The following KIF6 variants were observed in gnomAD, a reference collection of about 807,000 sequenced individuals.
KIF6 encodes the protein kinesin-like protein KIF6.
KIF6 carries 106 observed loss-of-function variants against 112.7 expected under a neutral mutation model. The observed-to-expected ratio is 0.94, with a 90% CI of 0.80 to 1.11. KIF6 has a LOEUF of 1.11. Ranked by LOEUF, KIF6 falls within the 50% of genes least tolerant of loss-of-function variation. KIF6 has a pLI of 0.00. For missense variants in KIF6, 929 were observed against 964.0 expected, an observed-to-expected ratio of 0.96 and a Z score of 0.48; for synonymous variants, 339 against 339.9, an observed-to-expected ratio of 1.00 and a Z score of 0.03.
chr6:39,398,942 C>A (rs1030318451), intron 15 of KIF6, among the ~76,000 whole-genome samples: 4 of 152,180 alleles, frequency 2.6e-5, no homozygotes, highest in Admixed American at 6.5e-5. Context: ...AAATAGATTA[C>A]CATCCATAAT....
chr6:39,545,192 T>C (rs1175603853), intron 11 of KIF6, among the ~76,000 whole-genome samples: 1 of 152,192 alleles, frequency 6.6e-6, no homozygotes, highest in African/African-American at 2.4e-5. Flanking sequence ...GTGATTATAT[T>C]CCCAGCCCCT....
At chr6:39,571,024 T>G (rs1350695283) in intron 10 of KIF6, among the ~76,000 whole-genome samples, 3 of 152,184 alleles carry the variant, frequency 2.0e-5, no homozygotes, top group African/African-American at 7.2e-5. Flanking sequence ...CACCCTAAAA[T>G]TTAAATCATC....
chr6:39,590,575 C>T (rs1781896127), intron 7 of KIF6, among the ~76,000 whole-genome samples: 1 of 151,464 alleles, frequency 6.6e-6, no homozygotes, highest in Admixed American at 6.6e-5. Flanking sequence ...CCTCAGCCTC[C>T]CGAGTAGCTG....
Position 39,443,932 on chromosome 6 carries a change from T to A in KIF6, c.1646-12771A>T, listed in dbSNP as rs144039618. On this transcript the variant is annotated intron_variant, in intron 13 of 22. Transcript: ENST00000287152. Reference sequence around the variant, plus strand: ...TTGGGGAAAAAAAGGAAGGGGAAATTTAATTTTTGTGTGTCTTCCATGTGA... The same window carrying A: ...TTGGGGAAAAAAAGGAAGGGGAAATATAATTTTTGTGTGTCTTCCATGTGA... Among the ~76,000 whole-genome samples the A allele has an allele frequency of 2.3e-3, 353 of 152,324 alleles. 1 individual carries two copies. The highest frequency in any genetic ancestry group is 3.8e-3 in the Non-Finnish European group (261 of 68,022).
chr6:39,373,250 C>T (rs942451190), intron 16 of KIF6, among the ~76,000 whole-genome samples: 4 of 152,146 alleles, frequency 2.6e-5, no homozygotes, highest in Non-Finnish European at 2.9e-5. Flanking sequence ...CTGGGTTCAG[C>T]GCTTAAAGGA....
At chr6:39,658,509 A>G (rs1785934946) in intron 3 of KIF6, among the ~76,000 whole-genome samples, 1 of 152,290 alleles carries the variant, frequency 6.6e-6, no homozygotes, top group South Asian at 2.1e-4. Flanking sequence ...CTCTTACAAC[A>G]TGTTTCCAAT....
chr6:39,388,065 A>G (rs1163128196), intron 15 of KIF6, among the ~76,000 whole-genome samples: 1 of 152,046 alleles, frequency 6.6e-6, no homozygotes, highest in Admixed American at 6.6e-5. Flanking sequence ...TTTAGAGCAC[A>G]CACTGGTTTG....
intron 3 of KIF6, among the ~76,000 whole-genome samples, chr6:39,647,090 T>C (rs973543241): frequency 6.6e-5 from 10 of 152,204 alleles, no homozygotes; most frequent in African/African-American, 2.4e-4. Flanking sequence ...CCAAAAACAA[T>C]AGCAATTCAT....
chr6:39,374,769 G>A (rs1453059612), intron 16 of KIF6, among the ~76,000 whole-genome samples: 1 of 152,200 alleles, frequency 6.6e-6, no homozygotes, highest in Non-Finnish European at 1.5e-5. Context: ...TACACTGTTG[G>A]TGGAAATGTA....
At chr6:39,674,976 C>T (rs1787048673) in intron 3 of KIF6, among the ~76,000 whole-genome samples, 2 of 151,798 alleles carry the variant, frequency 1.3e-5, no homozygotes, top group Admixed American at 1.3e-4. Context: ...TAAAATGACT[C>T]AGACTTTCAA....
chr6:39,430,723 T>A (rs1402169696), intron 14 of KIF6, among the ~76,000 whole-genome samples: 1 of 152,112 alleles, frequency 6.6e-6, no homozygotes, highest in African/African-American at 2.4e-5. Context: ...TCCATAGACT[T>A]TTTCCCCCCT....
chr6:39,564,873 G>A (rs1245992871), intron 10 of KIF6, among the ~76,000 whole-genome samples: 1 of 152,152 alleles, frequency 6.6e-6, no homozygotes, highest in Non-Finnish European at 1.5e-5. Flanking sequence ...CCATTTCACA[G>A]ACCAATGAAT....
chr6:39,412,895 A>T (rs780163012), intron 15 of KIF6, among the ~76,000 whole-genome samples: 8 of 152,092 alleles, frequency 5.3e-5, no homozygotes, highest in African/African-American at 1.9e-4. Flanking sequence ...ATCTCTGCAC[A>T]TGATGCTCAT....
intron 13 of KIF6, among the ~76,000 whole-genome samples, chr6:39,519,635 G>C (rs1777268301): frequency 6.6e-6 from 1 of 152,032 alleles, no homozygotes; most frequent in African/African-American, 2.4e-5. Flanking sequence ...GGAACAAAGA[G>C]TAGAAACCTG....
At chr6:39,526,402 C>T (rs868493827) in intron 13 of KIF6, among the ~76,000 whole-genome samples, 1 of 152,130 alleles carries the variant, frequency 6.6e-6, no homozygotes, top group Non-Finnish European at 1.5e-5. Flanking sequence ...TTTTCTTGTG[C>T]GTTTATTACA....
At chr6:39,657,485 C>T (rs868824565) in intron 3 of KIF6, among the ~76,000 whole-genome samples, 12 of 151,976 alleles carry the variant, frequency 7.9e-5, no homozygotes, top group Admixed American at 3.3e-4. Context: ...GTATAGCCAG[C>T]GTGACCAAAC....
intron 19 of KIF6, among the ~76,000 whole-genome samples, chr6:39,355,872 T>C (rs112310413): frequency 6.6e-6 from 1 of 152,068 alleles, no homozygotes; most frequent in African/African-American, 2.4e-5. Flanking sequence ...GTACCCAGCT[T>C]CCCCTATCGG....
At chr6:39,460,118 C>T (rs1394362731) in intron 13 of KIF6, among the ~76,000 whole-genome samples, 1 of 148,384 alleles carries the variant, frequency 6.7e-6, no homozygotes, top group Admixed American at 6.7e-5. Flanking sequence ...AGACTTGGAA[C>T]CAACCCAAAT....
At chr6:39,337,663 G>A (rs1260948026) in intron 22 of KIF6, among the ~76,000 whole-genome samples, 1 of 151,948 alleles carries the variant, frequency 6.6e-6, no homozygotes, top group Non-Finnish European at 1.5e-5. Context: ...TTCTCTCCTT[G>A]CTTTTTCCTC....
Sources: allele counts gnomAD v4.1 joint callset (sites outside exome capture counted in the v4.1 genomes callset), GRCh38; gene constraint gnomAD v4.1.1; transcripts MANE v1.5; gene names NCBI Gene and HGNC (gene_info 2026-07-23, HGNC 2026-07-21).